Variants in CSMD1 observed in about 807,000 individuals in gnomAD.
CSMD1 encodes the protein CUB and sushi domain-containing protein 1.
In CSMD1, 213 loss-of-function variants were observed where a neutral mutation model predicts 417.5. The observed-to-expected ratio is 0.51, with a 90% CI of 0.46 to 0.57. The LOEUF is 0.57. Ranked by LOEUF, CSMD1 falls within the 20% of genes least tolerant of loss-of-function variation. CSMD1 has a pLI of 0.00. For synonymous variants in CSMD1, 2,862 were observed against 1,736.8 expected (o/e 1.65, Z -16.11); for missense variants, 6,923 against 4,529.7 (o/e 1.53, Z -15.17).
chr8:4,199,648 C>G (rs150261516), intron 3 of CSMD1, among the ~76,000 whole-genome samples: 131 of 152,256 alleles, frequency 8.6e-4, no homozygotes, highest in African/African-American at 2.7e-3. Flanking sequence ...GACTTCAACC[C>G]AAGCTCAGTG....
intron 7 of CSMD1, among the ~76,000 whole-genome samples, chr8:3,676,748 A>G (rs570985109): frequency 6.6e-6 from 1 of 152,318 alleles, no homozygotes; most frequent in Admixed American, 6.5e-5. Context: ...TAATAAACAT[A>G]GCAAACACTT....
At chr8:3,847,051 G>C (rs751761916) in intron 5 of CSMD1, among the ~76,000 whole-genome samples, 1 of 152,074 alleles carries the variant, frequency 6.6e-6, no homozygotes, top group African/African-American at 2.4e-5. Context: ...TCTAGTCTCA[G>C]GTTTAGAAGC....
chr8:2,994,721 A>G (rs1287013776), intron 54 of CSMD1, among the ~76,000 whole-genome samples: 1 of 152,200 alleles, frequency 6.6e-6, no homozygotes, highest in African/African-American at 2.4e-5. Context: ...TCTAATTCAG[A>G]AAATTATTTA....
At chr8:4,534,984 A>G (rs1797030951) in intron 2 of CSMD1, among the ~76,000 whole-genome samples, 1 of 151,788 alleles carries the variant, frequency 6.6e-6, no homozygotes, top group Non-Finnish European at 1.5e-5. Context: ...GATGGTCTCG[A>G]TTTCCTGACC....
chr8:3,956,969 G>A (rs765529699), intron 5 of CSMD1, among the ~76,000 whole-genome samples: 4 of 151,752 alleles, frequency 2.6e-5, no homozygotes, highest in Non-Finnish European at 5.9e-5. Flanking sequence ...GGAAAGGTTG[G>A]ACCTGTTTTT....
At chr8:4,474,089 T>C (rs1454270241) in intron 2 of CSMD1, among the ~76,000 whole-genome samples, 1 of 152,136 alleles carries the variant, frequency 6.6e-6, no homozygotes, top group African/African-American at 2.4e-5. Flanking sequence ...AATTACAATC[T>C]AAACGAACAT....
chr8:4,525,851 A>C (rs1459142410), intron 2 of CSMD1, among the ~76,000 whole-genome samples: 3 of 152,126 alleles, frequency 2.0e-5, no homozygotes, highest in Non-Finnish European at 4.4e-5. Context: ...ACATGTGTCC[A>C]CAGTTCCATC....
chr8:4,614,653 G>C (rs1454091803), intron 2 of CSMD1, among the ~76,000 whole-genome samples: 1 of 151,858 alleles, frequency 6.6e-6, no homozygotes, highest in Admixed American at 6.6e-5. Context: ...ATACAAACGT[G>C]CGCACACACA....
At chr8:3,225,012 C>A (rs994601795) in intron 27 of CSMD1, among the ~76,000 whole-genome samples, 1 of 152,152 alleles carries the variant, frequency 6.6e-6, no homozygotes, top group African/African-American at 2.4e-5. Context: ...TGTCTTATTT[C>A]ATTCCCATTA....
At position 4,523,776 on chromosome 8, in the gene CSMD1, G is replaced by A. The variant is rs1271707484; in HGVS notation, c.303-103711C>T. 3.3e-5 allele frequency among the ~76,000 whole-genome samples: 5 copies of A among 152,128 alleles called. No individual in the cohort carries two copies. The East Asian group carries it at 9.6e-4, about 29-fold the overall frequency. On this transcript the variant is annotated intron_variant, in intron 2 of 69. Transcript: ENST00000635120. Reference sequence around the variant, plus strand: ...TAATGCATATTAAAATAACATAATTGTATGCAGAGCAATGTATACAAATAC... The same window carrying A: ...TAATGCATATTAAAATAACATAATTATATGCAGAGCAATGTATACAAATAC...
chr8:4,933,165 T>C (rs1202162089), intron 1 of CSMD1, among the ~76,000 whole-genome samples: 1 of 152,180 alleles, frequency 6.6e-6, no homozygotes, highest in Non-Finnish European at 1.5e-5. Context: ...CTTTTTTTTC[T>C]TTCTTCCCCT....
At chr8:4,723,234 C>T (rs1385983821) in intron 1 of CSMD1, among the ~76,000 whole-genome samples, 4 of 152,152 alleles carry the variant, frequency 2.6e-5, no homozygotes, top group Non-Finnish European at 4.4e-5. Flanking sequence ...CTTTTAAAGA[C>T]ATTTCAGGCA....
At chr8:4,604,655 A>T (rs1800774090) in intron 2 of CSMD1, among the ~76,000 whole-genome samples, 1 of 152,116 alleles carries the variant, frequency 6.6e-6, no homozygotes, top group African/African-American at 2.4e-5. Context: ...TCAGAACATC[A>T]CCAATCTGTT....
chr8:4,873,177 G>A (rs1004375724), intron 1 of CSMD1, among the ~76,000 whole-genome samples: 1 of 152,090 alleles, frequency 6.6e-6, no homozygotes, highest in African/African-American at 2.4e-5. Context: ...CAAAATGATA[G>A]GAGGTGGCAA....
At chr8:3,289,047 A>T (rs1473128066) in intron 25 of CSMD1, among the ~76,000 whole-genome samples, 1 of 146,760 alleles carries the variant, frequency 6.8e-6, no homozygotes, top group East Asian at 2.0e-4. Context: ...TCATTGTTCA[A>T]TTCCCACCTA....
rs1303856209 is a variant in CSMD1, at chr8:3,404,561, A to G, written c.2266+1466T>C. Among the ~76,000 whole-genome samples the G allele has an allele frequency of 2.0e-5, 3 of 152,166 alleles. No homozygotes were observed. The East Asian group carries it at 5.8e-4, about 29-fold the overall frequency. On this transcript the variant is annotated intron_variant, in intron 15 of 69. Coordinates refer to ENST00000635120, the MANE Select transcript of CSMD1 (RefSeq NM_033225.6). The stretch of plus-strand genomic sequence containing the variant: ...TATTCCGAGGTATTTTAGATAGGGC[A>G]GAAATTCTCAACTGTTTATGATATT...
intron 3 of CSMD1, among the ~76,000 whole-genome samples, chr8:4,040,671 A>G (rs1797839450): frequency 6.6e-6 from 1 of 152,016 alleles, no homozygotes; most frequent in Non-Finnish European, 1.5e-5. Flanking sequence ...TTTAAAAAAC[A>G]TGTTTCAAGC....
intron 20 of CSMD1, among the ~76,000 whole-genome samples, chr8:3,365,840 G>A (rs372363262): frequency 1.7e-3 from 256 of 152,274 alleles, no homozygotes; most frequent in Non-Finnish European, 3.1e-3. Context: ...TAGGGGTGTC[G>A]ATCCCCGCAC....
intron 2 of CSMD1, among the ~76,000 whole-genome samples, chr8:4,451,606 G>A (rs963843846): frequency 5.3e-5 from 8 of 152,190 alleles, no homozygotes; most frequent in Admixed American, 2.6e-4. Flanking sequence ...CCATTTTAGA[G>A]GTTATATTCA....
Sources: allele counts gnomAD v4.1 joint callset (sites outside exome capture counted in the v4.1 genomes callset), GRCh38; gene constraint gnomAD v4.1.1; transcripts MANE v1.5; gene names NCBI Gene and HGNC (gene_info 2026-07-23, HGNC 2026-07-21).